PPARGC1A: variants seen among roughly 807,000 people sequenced by gnomAD.
PPARGC1A encodes the protein PPARG coactivator 1 alpha.
PPARGC1A carries 25 observed loss-of-function variants against 88.7 expected under a neutral mutation model. The ratio of observed to expected loss-of-function variants is 0.28; its 90% confidence interval spans 0.21 to 0.39. The LOEUF (loss-of-function observed/expected upper bound fraction) is 0.39, where lower values mean the gene tolerates loss of function less well. PPARGC1A is among the 10% of genes least tolerant of loss of function. The pLI is 1.00. For synonymous variants in PPARGC1A, 363 were observed against 355.6 expected (o/e 1.02, Z -0.24); for missense variants, 880 against 968.7 (o/e 0.91, Z 1.22).
chr4:24,125,350 C>T, the PPARGC1A span, among the ~76,000 whole-genome samples: 4 of 152,054 alleles, frequency 2.6e-5, no homozygotes, highest in Non-Finnish European at 5.9e-5. Flanking sequence ...AGGCTCTCTC[C>T]CCATCTGCTT....
the PPARGC1A span, among the ~76,000 whole-genome samples, chr4:24,362,858 G>A: frequency 6.6e-6 from 1 of 152,180 alleles, no homozygotes; most frequent in African/African-American, 2.4e-5. Flanking sequence ...AGACAGGAGA[G>A]GCATTCAAGC....
chr4:24,175,465 TCCAGGTCAGA>T, the PPARGC1A span, among the ~76,000 whole-genome samples: 1 of 147,872 alleles, frequency 6.8e-6, no homozygotes, highest in Admixed American at 6.8e-5. Context: ...ACCTCTGACT[TCCAGGTCAGA>T]GTGATTCTCC....
At chr4:24,139,375 C>T in the PPARGC1A span, among the ~76,000 whole-genome samples, 10 of 97,844 alleles carry the variant, frequency 1.0e-4, no homozygotes, top group Admixed American at 3.5e-4. Context: ...CCTTGTGATC[C>T]GCCCGCCTTG....
chr4:24,289,994 C>T, the PPARGC1A span, among the ~76,000 whole-genome samples: 3 of 152,084 alleles, frequency 2.0e-5, no homozygotes, highest in African/African-American at 7.2e-5. Context: ...TACATGGTAG[C>T]AGGCAAAAAA....
the PPARGC1A span, among the ~76,000 whole-genome samples, chr4:24,437,678 T>C: frequency 1.3e-5 from 2 of 152,158 alleles, no homozygotes; most frequent in Non-Finnish European, 1.5e-5. Context: ...TTTCTTTTTT[T>C]TTCTTTTCGA....
chr4:24,052,132 T>C, the PPARGC1A span, among the ~76,000 whole-genome samples: 133,865 of 152,158 alleles, frequency 0.88, 58,937 homozygotes, highest in Admixed American at 0.92. Context: ...CTGAGGCTGG[T>C]GACCACTACT....
chr4:24,045,916 C>G, the PPARGC1A span, among the ~76,000 whole-genome samples: 1 of 152,146 alleles, frequency 6.6e-6, no homozygotes, highest in South Asian at 2.1e-4. Context: ...AAATACTTAG[C>G]AACAGTCACC....
At chr4:24,431,299 T>C in the PPARGC1A span, among the ~76,000 whole-genome samples, 452 of 152,142 alleles carry the variant, frequency 3.0e-3, no homozygotes, top group Middle Eastern at 0.02. Context: ...TTAACTAGGA[T>C]AGAGAACACA....
chr4:24,103,811 G>A, the PPARGC1A span, among the ~76,000 whole-genome samples: 1 of 152,092 alleles, frequency 6.6e-6, no homozygotes, highest in Non-Finnish European at 1.5e-5. Context: ...GACAGGGGAG[G>A]TTTAACATAA....
chr4:24,353,585 ATATTCT>A, the PPARGC1A span, among the ~76,000 whole-genome samples: 2 of 152,230 alleles, frequency 1.3e-5, no homozygotes, highest in East Asian at 1.9e-4. Context: ...GAGAAAGAAC[ATATTCT>A]TATTCTGTTT....
chr4:24,321,266 G>C, the PPARGC1A span, among the ~76,000 whole-genome samples: 1 of 152,252 alleles, frequency 6.6e-6, no homozygotes, highest in Middle Eastern at 3.4e-3. Flanking sequence ...TTAAAAACTA[G>C]GTAGATTCCA....
the PPARGC1A span, among the ~76,000 whole-genome samples, chr4:24,331,706 A>G: frequency 1.3e-5 from 2 of 152,000 alleles, no homozygotes; most frequent in Non-Finnish European, 2.9e-5. Flanking sequence ...CATAATGTGC[A>G]ACCTTCCACT....
At chr4:23,986,881 T>C in the PPARGC1A span, among the ~76,000 whole-genome samples, 18 of 152,072 alleles carry the variant, frequency 1.2e-4, no homozygotes, top group African/African-American at 3.6e-4. Flanking sequence ...ATCCACAAAA[T>C]GCATATCAGA....
At chr4:24,289,077 G>A in the PPARGC1A span, among the ~76,000 whole-genome samples, 1 of 152,032 alleles carries the variant, frequency 6.6e-6, no homozygotes, top group East Asian at 1.9e-4. Context: ...AAAATTAGCT[G>A]GGCGTAGTGG....
the PPARGC1A span, among the ~76,000 whole-genome samples, chr4:24,194,616 G>GCA: frequency 0.037 from 1,037 of 28,278 alleles, 15 homozygotes; most frequent in East Asian, 0.1. Context: ...GCACACACGC[G>GCA]CGCGCACGCG....
the PPARGC1A span, among the ~76,000 whole-genome samples, chr4:24,039,320 G>A: frequency 1.3e-5 from 2 of 152,018 alleles, no homozygotes; most frequent in South Asian, 4.2e-4. Context: ...ACACACAATT[G>A]CAAGGAGTTG....
the PPARGC1A span, among the ~76,000 whole-genome samples, chr4:24,166,539 G>C: frequency 2.6e-5 from 4 of 152,300 alleles, no homozygotes; most frequent in East Asian, 1.9e-4. Context: ...TCTCGTTAGA[G>C]GTTAGTGGAG....
chr4:24,265,527 C>T, the PPARGC1A span, among the ~76,000 whole-genome samples: 9 of 152,100 alleles, frequency 5.9e-5, no homozygotes, highest in East Asian at 3.9e-4. Flanking sequence ...TTTTATTATT[C>T]GAATGGCTTC....
At chr4:24,018,431 A>G in the PPARGC1A span, among the ~76,000 whole-genome samples, 1 of 152,182 alleles carries the variant, frequency 6.6e-6, no homozygotes, top group African/African-American at 2.4e-5. Flanking sequence ...TAGAAGTTTT[A>G]CAGCTTATCC....
Sources: allele counts gnomAD v4.1 joint callset (sites outside exome capture counted in the v4.1 genomes callset), GRCh38; gene constraint gnomAD v4.1.1; transcripts MANE v1.5; gene names NCBI Gene and HGNC (gene_info 2026-07-23, HGNC 2026-07-21).